Variants in HPSE2 observed in about 807,000 individuals in gnomAD.
HPSE2 encodes the protein heparanase 2 (inactive), also known as inactive heparanase-2.
Under a neutral mutation model 60.5 loss-of-function variants are expected in HPSE2, and 38 were observed. That is an observed-to-expected ratio of 0.63 (90% CI 0.48 to 0.82). HPSE2 has a LOEUF of 0.82. Among genes scored for constraint, HPSE2 ranks in the 40% least tolerant of loss-of-function variants. HPSE2 has a pLI of 0.00. For synonymous variants in HPSE2, 295 were observed against 293.2 expected, an observed-to-expected ratio of 1.01 and a Z score of -0.06; for missense variants, 713 against 740.4, an observed-to-expected ratio of 0.96 and a Z score of 0.43.
chr10:98,728,533 G>A lies in HPSE2; in HGVS notation c.785-6705C>T, dbSNP rs141345535. Among the ~76,000 whole-genome samples, 17 of 152,184 alleles carry A rather than the reference G, an allele frequency of 1.1e-4. No individual in the cohort carries two copies. The East Asian group carries it at 2.7e-3, about 24-fold the overall frequency. The stretch of plus-strand genomic sequence containing the variant: ...CTCAGGATGTTGAGGCAGGAGAATC[G>A]CTTGAACCTGGGAGGCAGAGGTTGC... On this transcript the variant is annotated intron_variant, in intron 4 of 11. Coordinates refer to ENST00000370552, the MANE Select transcript of HPSE2 (RefSeq NM_021828.5).
At chr10:99,114,498 T>C (rs1299527993) in intron 3 of HPSE2, among the ~76,000 whole-genome samples, 2 of 152,202 alleles carry the variant, frequency 1.3e-5, no homozygotes, top group African/African-American at 2.4e-5. Flanking sequence ...AATCATCATC[T>C]CTTCAGATCT....
intron 3 of HPSE2, among the ~76,000 whole-genome samples, chr10:98,858,288 T>A (rs904789148): frequency 6.6e-6 from 1 of 152,200 alleles, no homozygotes; most frequent in East Asian, 1.9e-4. Flanking sequence ...TTGACCTTGA[T>A]AGTTTGAAAT....
At chr10:98,839,367 G>A (rs1027424858) in intron 3 of HPSE2, among the ~76,000 whole-genome samples, 2 of 152,152 alleles carry the variant, frequency 1.3e-5, no homozygotes, top group African/African-American at 4.8e-5. Context: ...AATGTAAGAT[G>A]GAGATTAGGC....
chr10:98,960,711 T>A (rs1955639111), intron 3 of HPSE2, among the ~76,000 whole-genome samples: 1 of 55,868 alleles, frequency 1.8e-5, no homozygotes, highest in Non-Finnish European at 3.6e-5. Context: ...CTTTTTTTTT[T>A]TTTTTTTTTG....
intron 3 of HPSE2, among the ~76,000 whole-genome samples, chr10:99,102,230 A>G (rs1032626390): frequency 2.0e-5 from 3 of 152,066 alleles, no homozygotes; most frequent in Non-Finnish European, 2.9e-5. Context: ...TTGATAGACC[A>G]CTAGCAAGAC....
At chr10:98,554,604 A>G (rs1387275218) in intron 9 of HPSE2, among the ~76,000 whole-genome samples, 2 of 152,238 alleles carry the variant, frequency 1.3e-5, no homozygotes, top group Non-Finnish European at 2.9e-5. Context: ...ATAGTTGACT[A>G]CACAAAGGTA....
chr10:99,013,373 T>C (rs1957061515), intron 3 of HPSE2: 4 of 585,074 alleles, frequency 6.8e-6, no homozygotes, highest in Non-Finnish European at 1.3e-5. Context: ...TCACAGCAAC[T>C]ATACAGACTC....
chr10:98,984,768 A>G (rs1031901273), intron 3 of HPSE2, among the ~76,000 whole-genome samples: 18 of 152,250 alleles, frequency 1.2e-4, no homozygotes, highest in Non-Finnish European at 2.6e-4. Context: ...ATGGCTAACT[A>G]GAATAATCAA....
At chr10:98,798,485 AT>A (rs1950830984) in intron 3 of HPSE2, among the ~76,000 whole-genome samples, 1 of 152,242 alleles carries the variant, frequency 6.6e-6, no homozygotes, top group African/African-American at 2.4e-5. Flanking sequence ...GGAAGAAGAA[AT>A]GATGAATCAA....
At chr10:99,136,966 T>C (rs949018985) in intron 3 of HPSE2, among the ~76,000 whole-genome samples, 1 of 152,188 alleles carries the variant, frequency 6.6e-6, no homozygotes, top group African/African-American at 2.4e-5. Flanking sequence ...TGTTTGCAGA[T>C]GACATGATTG....
At chr10:99,114,294 T>A (rs1025307672) in intron 3 of HPSE2, among the ~76,000 whole-genome samples, 3 of 152,224 alleles carry the variant, frequency 2.0e-5, no homozygotes, top group Admixed American at 2.0e-4. Flanking sequence ...GAAAGAGCTG[T>A]CTGCATTTAA....
chr10:98,934,030 C>A (rs1589386856), intron 3 of HPSE2, among the ~76,000 whole-genome samples: 1 of 143,820 alleles, frequency 7.0e-6, no homozygotes, highest in East Asian at 2.0e-4. Flanking sequence ...GTGAGCCTGG[C>A]ACCTTCTTCG....
chr10:98,691,292 C>T (rs1363399979), intron 6 of HPSE2, among the ~76,000 whole-genome samples: 1 of 152,094 alleles, frequency 6.6e-6, no homozygotes, highest in East Asian at 1.9e-4. Context: ...AAATACAACC[C>T]CCTGCTTGCT....
At chr10:98,905,124 C>T (rs1590050273) in intron 3 of HPSE2, among the ~76,000 whole-genome samples, 1 of 152,002 alleles carries the variant, frequency 6.6e-6, no homozygotes, top group Non-Finnish European at 1.5e-5. Context: ...GTATTTATCC[C>T]TATATACTTT....
rs116896876 is a variant in HPSE2 at position 98,875,208 on chromosome 10, A to G, written c.611-131152T>C. Among the ~76,000 whole-genome samples, 622 of 152,168 alleles carry G rather than the reference A, an allele frequency of 4.1e-3. 2 individuals are homozygous for G. Among genetic ancestry groups the G allele is most frequent in the Middle Eastern group, 0.017 (5 of 294 alleles). On this transcript the variant is annotated intron_variant, in intron 3 of 11. Coordinates refer to ENST00000370552, the MANE Select transcript of HPSE2 (RefSeq NM_021828.5). Reference sequence around the variant, plus strand: ...AGAACTGAAGGAGATAGAGATCCAAAAACCCTCCAAAAACTTAATGAATCC... The same window carrying G: ...AGAACTGAAGGAGATAGAGATCCAAGAACCCTCCAAAAACTTAATGAATCC...
intron 3 of HPSE2, among the ~76,000 whole-genome samples, chr10:98,812,347 A>G (rs1011452711): frequency 2.6e-5 from 4 of 152,152 alleles, no homozygotes; most frequent in African/African-American, 9.6e-5. Flanking sequence ...AGGGAAAGAC[A>G]GGAATAAAGG....
At chr10:98,704,590 C>T (rs1474348894) in intron 5 of HPSE2, among the ~76,000 whole-genome samples, 2 of 152,050 alleles carry the variant, frequency 1.3e-5, no homozygotes, top group Admixed American at 1.3e-4. Context: ...AGAACAGAGA[C>T]CTCAGATATA....
At chr10:98,631,789 C>A (rs773429080) in intron 7 of HPSE2, among the ~76,000 whole-genome samples, 9 of 152,156 alleles carry the variant, frequency 5.9e-5, no homozygotes, top group Non-Finnish European at 1.2e-4. Context: ...TCCAGTAGAT[C>A]AATGCAAATA....
At chr10:98,856,476 A>C (rs114904856) in intron 3 of HPSE2, among the ~76,000 whole-genome samples, 60 of 152,274 alleles carry the variant, frequency 3.9e-4, no homozygotes, top group African/African-American at 1.4e-3. Context: ...AAAATTCCTA[A>C]AGGCAGCTAG....
Sources: gnomAD v4.1 joint callset for allele counts (sites outside exome capture counted in the v4.1 genomes callset) on GRCh38, gnomAD v4.1.1 for gene constraint, MANE v1.5 for transcripts, NCBI Gene and HGNC (gene_info 2026-07-23, HGNC 2026-07-21) for gene names.